The following CNTNAP3 variants were observed in gnomAD, a reference collection of about 807,000 sequenced individuals.
The protein encoded by CNTNAP3 is contactin-associated protein-like 3.
In CNTNAP3, 36 loss-of-function variants were observed where a neutral mutation model predicts 92.1. The ratio of observed to expected loss-of-function variants is 0.39; its 90% confidence interval spans 0.30 to 0.52. The LOEUF is 0.52. Among genes scored for constraint, CNTNAP3 ranks in the 20% least tolerant of loss-of-function variants. The pLI is 0.76. For missense variants in CNTNAP3, 534 were observed against 1,069.6 expected (o/e 0.50, Z 6.98); for synonymous variants, 232 against 422.3 (o/e 0.55, Z 5.53).
intron 9 of CNTNAP3, among the ~76,000 whole-genome samples, chr9:39,150,972 CCT>C (rs1199693322): frequency 6.8e-6 from 1 of 147,806 alleles, no homozygotes; most frequent in Non-Finnish European, 1.5e-5. Context: ...TTACTCCCAC[CCT>C]CTGAGTTACA....
intron 10 of CNTNAP3, among the ~76,000 whole-genome samples, chr9:39,149,020 T>C (rs1258910956): frequency 6.6e-6 from 1 of 152,178 alleles, no homozygotes; most frequent in African/African-American, 2.4e-5. Context: ...TTGAATTAAA[T>C]GTTTTTCTTG....
At chr9:39,086,499 C>G (rs1287573996) in intron 20 of CNTNAP3, 1 of 667,918 alleles carries the variant, frequency 1.5e-6, no homozygotes, top group Non-Finnish European at 2.4e-6. Flanking sequence ...ATACCTTTGA[C>G]AGAATTGCAT....
intron 18 of CNTNAP3, among the ~76,000 whole-genome samples, chr9:39,091,059 T>C (rs888254597): frequency 6.6e-6 from 1 of 152,218 alleles, no homozygotes; most frequent in African/African-American, 2.4e-5. Flanking sequence ...GAACTTGGTT[T>C]TAGTTTTAAT....
chr9:39,087,959 T>C (rs1404534192), intron 19 of CNTNAP3, among the ~76,000 whole-genome samples: 2 of 152,196 alleles, frequency 1.3e-5, no homozygotes, highest in Non-Finnish European at 2.9e-5. Flanking sequence ...TAACTAGTTT[T>C]TCAGCCACTG....
chr9:39,116,601 G>C (rs1168693497), intron 14 of CNTNAP3, among the ~76,000 whole-genome samples: 1 of 152,142 alleles, frequency 6.6e-6, no homozygotes, highest in East Asian at 1.9e-4. Context: ...ATCTGTTCCT[G>C]TTACTCACTG....
intron 12 of CNTNAP3, among the ~76,000 whole-genome samples, chr9:39,137,125 C>T (rs1470388292): frequency 6.6e-6 from 1 of 151,664 alleles, no homozygotes; most frequent in African/African-American, 2.4e-5. Context: ...GTATGTTACA[C>T]CTTTTGTAGT....
intron 23 of CNTNAP3, among the ~76,000 whole-genome samples, chr9:39,075,701 T>C (rs569066735): frequency 2.0e-5 from 3 of 152,286 alleles, no homozygotes; most frequent in Non-Finnish European, 4.4e-5. Flanking sequence ...CCACGGTTTC[T>C]TGCCTTCGGA....
intron 4 of CNTNAP3, among the ~76,000 whole-genome samples, chr9:39,179,285 CTA>C (rs1491514374): frequency 3.1e-5 from 1 of 31,932 alleles, no homozygotes; most frequent in Admixed American, 4.5e-4. Flanking sequence ...CTCTCTCTCT[CTA>C]CACACACACA....
chr9:39,074,606 T>C (rs1825704968), intron 23 of CNTNAP3, among the ~76,000 whole-genome samples: 1 of 151,914 alleles, frequency 6.6e-6, no homozygotes, highest in Admixed American at 6.6e-5. Flanking sequence ...GAGACATACA[T>C]GTCTCTAAGA....
rs1159815358 is a variant in CNTNAP3 at position 39,072,625 on chromosome 9, T to A, written c.*1265A>T. 6.6e-6 allele frequency: 1 copy of A among 152,222 alleles called. No individual in the cohort carries two copies. Among genetic ancestry groups the A allele is most frequent in the African/African-American group, 2.4e-5 (1 of 41,468 alleles). The allele number at this position is 152,222 out of a possible 1,614,324, so 9.4% of individuals were successfully genotyped here. ...TAAACCTGTGATCAGACTGGCAGAT[T>A]TAATAAACATCATGTAAATGCTAAC... On this transcript the variant is annotated 3_prime_UTR_variant, in exon 24 of 24. Transcript: ENST00000297668.
intron 12 of CNTNAP3, among the ~76,000 whole-genome samples, chr9:39,136,651 AG>A (rs1408184878): frequency 6.6e-6 from 1 of 152,172 alleles, no homozygotes; most frequent in African/African-American, 2.4e-5. Flanking sequence ...CTGTAATCCC[AG>A]CACTTTGGGA....
At chr9:39,086,586 C>T (rs1206699835) in intron 20 of CNTNAP3, 130 bp downstream of exon 20, 2 of 1,243,790 alleles carry the variant, frequency 1.6e-6, no homozygotes, top group African/African-American at 1.5e-5. Flanking sequence ...TATTTGGCTT[C>T]TTCTTGACTT....
At chr9:39,087,501 G>C (rs10814794) in intron 19 of CNTNAP3, among the ~76,000 whole-genome samples, 1 of 149,048 alleles carries the variant, frequency 6.7e-6, no homozygotes, top group East Asian at 2.0e-4. Context: ...TTGTTTGTTT[G>C]TTTGAGGTGG....
Position 39,071,098 on chromosome 9 carries a change from G to A in CNTNAP3, c.*2792C>T, listed in dbSNP as rs1187498917. ...ATCTTTGTCTCATCTATAAAACTGA[G>A]GGAGCAGGTTAAAAAAATCTTACAT... On this transcript the variant is annotated 3_prime_UTR_variant, in exon 24 of 24. Coordinates refer to ENST00000297668, the MANE Select transcript of CNTNAP3 (RefSeq NM_033655.5). 6.6e-6 allele frequency among the ~76,000 whole-genome samples: 1 copy of A among 152,170 alleles called. No individual in the cohort carries two copies. Among genetic ancestry groups the A allele is most frequent in the Non-Finnish European group, 1.5e-5 (1 of 68,004 alleles).
chr9:39,076,705 A>T (rs996633102), intron 23 of CNTNAP3, among the ~76,000 whole-genome samples: 1 of 152,298 alleles, frequency 6.6e-6, no homozygotes, highest in African/African-American at 2.4e-5. Context: ...ATGGTGGCTC[A>T]TGCCTGTAAT....
chr9:39,087,481 A>ATTT (rs201409748), intron 19 of CNTNAP3, among the ~76,000 whole-genome samples: 6 of 111,320 alleles, frequency 5.4e-5, no homozygotes, highest in African/African-American at 6.7e-5. Context: ...TTAATCGGAG[A>ATTT]TTTTTTTTTT....
rs972901627 is a variant in CNTNAP3 at position 39,070,713 on chromosome 9, G to A, written c.*3177C>T. On this transcript the variant is annotated 3_prime_UTR_variant, in exon 24 of 24. Transcript: ENST00000297668. ...TAACACAAAGGATAAATGTTGAGGG[G>A]ATGGATACCCCATTCTCCATGATGT... Among the ~76,000 whole-genome samples the A allele has an allele frequency of 3.3e-5, 5 of 152,218 alleles. No homozygotes were observed. The highest frequency in any genetic ancestry group is 7.2e-5 in the African/African-American group (3 of 41,458).
Position 39,140,499 on chromosome 9 carries a change from T to C in CNTNAP3, c.1876+20A>G, listed in dbSNP as rs1369613924. On this transcript the variant is annotated intron_variant, in intron 12 of 23. Transcript: ENST00000297668. ...TCCTTGGTCTATTCTGATATATGCA[T>C]ATAACGATTATCAACATACCTGTCA... The C allele has an allele frequency of 2.5e-6, 4 of 1,612,938 alleles. No homozygotes were observed. The African/African-American group carries it at 5.3e-5, about 22-fold the overall frequency.
Position 39,068,373 on chromosome 9 carries a change from G to C in CNTNAP3, c.*5517C>G, listed in dbSNP as rs1374203969. On this transcript the variant is annotated 3_prime_UTR_variant, in exon 24 of 24. Coordinates refer to ENST00000297668, the MANE Select transcript of CNTNAP3 (RefSeq NM_033655.5). The stretch of plus-strand genomic sequence containing the variant: ...GGAGCTTGCAGTGAGCCAGGATCGC[G>C]CCACTGCACTCCAGCCTGAGCGACA... 6.6e-6 allele frequency among the ~76,000 whole-genome samples: 1 copy of C among 152,300 alleles called. No homozygotes were observed. Among genetic ancestry groups the C allele is most frequent in the Non-Finnish European group, 1.5e-5 (1 of 68,050 alleles).
Sources: gnomAD v4.1 joint callset for allele counts (sites outside exome capture counted in the v4.1 genomes callset) on GRCh38, gnomAD v4.1.1 for gene constraint, MANE v1.5 for transcripts, NCBI Gene and HGNC (gene_info 2026-07-23, HGNC 2026-07-21) for gene names.